CRIP2: variants seen among roughly 807,000 people sequenced by gnomAD.
The protein encoded by CRIP2 is cysteine rich protein 2.
In CRIP2, 31 loss-of-function variants were observed where a neutral mutation model predicts 31.3. The ratio of observed to expected loss-of-function variants is 0.99; its 90% CI spans 0.74 to 1.34. CRIP2 has a LOEUF of 1.34. Ranked by LOEUF, CRIP2 falls within the 40% of genes most tolerant of loss-of-function variation. The pLI is 0.00. For missense variants in CRIP2, 389 were observed against 301.6 expected (o/e 1.29, Z -2.15); for synonymous variants, 177 against 127.2 (o/e 1.39, Z -2.63).
At position 105,478,471 on chromosome 14, in the gene CRIP2, C is replaced by A. The variant is rs781826144; in HGVS notation, c.160C>A (p.His54Asn). The A allele has an allele frequency of 3.7e-6, 6 of 1,607,824 alleles. No homozygotes were observed. The African/African-American group carries it at 8.0e-5, about 21-fold the overall frequency. The change falls in exon 3 of 8, where the codon CAC becomes AAC. Residue 54 changes from histidine to asparagine, a missense_variant. By Grantham distance (68) the His-to-Asn change is moderately conservative (BLOSUM62 1). Coordinates refer to ENST00000329146, the MANE Select transcript of CRIP2 (RefSeq NM_001312.4). This position sits in a 1 kb window ranked among gnomAD's most constrained non-coding sequence, Gnocchi z 4.9. ...GCAGCATGACGGGAAGCCGTTCTGC[C>A]ACAAGCCGTGCTACGCCACCCTGTT... is the stretch of plus-strand genomic sequence containing the variant. Reference protein sequence around the residue: ...HAEHDGKPFCHKPCYATLFGP... With the variant: ...HAEHDGKPFCNKPCYATLFGP...
upstream of CRIP2, chr14:105,473,051 AGCCCCACAGG>A: frequency 3.3e-6 from 2 of 614,600 alleles, no homozygotes; most frequent in Non-Finnish European, 5.7e-6. Context: ...ACAGGTAGCA[AGCCCCACAGG>A]TAGCAAAGTC....
At chr14:105,474,692 C>G, upstream of CRIP2, 1 of 847,714 alleles carries the variant, frequency 1.2e-6, no homozygotes, top group Non-Finnish European at 1.4e-6. The surrounding 1 kb of genome is among the most constrained non-coding windows in gnomAD (Gnocchi z 5.1). Flanking sequence ...GTGCGCCCCG[C>G]CCCCGCGGCG....
upstream of CRIP2, chr14:105,473,219 G>T (rs587612655): frequency 3.1e-5 from 47 of 1,533,254 alleles, no homozygotes; most frequent in South Asian, 5.6e-4. Context: ...TGCCAGGGAG[G>T]AAGGGCTGCC....
chr14:105,478,146 T>C lies in CRIP2; in HGVS notation c.44-120T>C, dbSNP rs1311377798. ...GCCCGCCAGGTGGAAGGAAGGCGCC[T>C]GGGAGACCTCCTGAAAGTGGGGACC... On this transcript the variant is annotated intron_variant, in intron 1 of 7. Transcript: ENST00000329146. The surrounding 1 kb of genome is among the most constrained non-coding windows in gnomAD (Gnocchi z 4.9). 18 of 748,280 alleles carry C rather than the reference T, an allele frequency of 2.4e-5. No homozygotes were observed. Among genetic ancestry groups the C allele is most frequent in the Non-Finnish European group, 3.1e-5 (15 of 490,258 alleles). 46.4% of individuals were successfully genotyped at this position (748,280 alleles called of 1,614,324 possible). A position where few individuals can be genotyped will look rare whatever the true frequency, so the allele number is the denominator to read the frequency against.
chr14:105,476,872 G>A, intron 1 of CRIP2: 1 of 673,820 alleles, frequency 1.5e-6, no homozygotes, highest in South Asian at 6.6e-5. Context: ...GGGCCACGGA[G>A]AGCCAGTATT....
In CRIP2 at chr14:105,478,007, G is replaced by A. The variant is rs1204907553; in HGVS notation, c.44-259G>A. On this transcript the variant is annotated intron_variant, in intron 1 of 7. Transcript: ENST00000329146. This position sits in a 1 kb window ranked among gnomAD's most constrained non-coding sequence, Gnocchi z 4.9. ...GAGGGGACTAACAGGGCAGCCCCGG[G>A]CCCCTTCTCAAAGGCGGCTCTAGCG... Among the ~76,000 whole-genome samples the A allele has an allele frequency of 6.6e-6, 1 of 151,604 alleles. No individual in the cohort carries two copies. The highest frequency in any genetic ancestry group is 1.5e-5 in the Non-Finnish European group (1 of 67,854).
At chr14:105,473,684 G>A (rs1555435206), upstream of CRIP2, among the ~76,000 whole-genome samples, 1 of 152,224 alleles carries the variant, frequency 6.6e-6, no homozygotes, top group Admixed American at 6.5e-5. Context: ...CAGAGCACCA[G>A]GAAGCCCGTG....
chr14:105,478,157 C>T lies in CRIP2; in HGVS notation c.44-109C>T, dbSNP rs1465902749. The stretch of plus-strand genomic sequence containing the variant: ...GGAAGGAAGGCGCCTGGGAGACCTC[C>T]TGAAAGTGGGGACCCCCGGAGCGCG... On this transcript the variant is annotated intron_variant, in intron 1 of 7. Coordinates refer to ENST00000329146, the MANE Select transcript of CRIP2 (RefSeq NM_001312.4). This position sits in a 1 kb window ranked among gnomAD's most constrained non-coding sequence, Gnocchi z 4.9. 1.2e-6 allele frequency: 1 copy of T among 867,614 alleles called. No homozygotes were observed. Among genetic ancestry groups the T allele is most frequent in the Admixed American group, 3.2e-5 (1 of 30,790 alleles). 53.7% of individuals were successfully genotyped at this position (867,614 alleles called of 1,614,324 possible). A position where few individuals can be genotyped will look rare whatever the true frequency, so the allele number is the denominator to read the frequency against.
In CRIP2 at chr14:105,478,414, C is replaced by G; in HGVS notation, c.139-36C>G. The G allele has an allele frequency of 1.3e-6, 2 of 1,591,128 alleles. No homozygotes were observed. The highest frequency in any genetic ancestry group is 1.7e-6 in the Non-Finnish European group (2 of 1,172,876). ...GGCGGGGGTCGCGACTCCCGCCACC[C>G]TCAGGCAGGGTCCTGACCCGCGCCC... On this transcript the variant is annotated intron_variant, in intron 2 of 7. Coordinates refer to ENST00000329146, the MANE Select transcript of CRIP2 (RefSeq NM_001312.4). This position sits in a 1 kb window ranked among gnomAD's most constrained non-coding sequence, Gnocchi z 4.9.
chr14:105,479,084 C>A (rs587733625), intron 5 of CRIP2, 37 bp downstream of exon 5: 1 of 1,591,594 alleles, frequency 6.3e-7, no homozygotes, highest in East Asian at 2.3e-5. Flanking sequence ...CCCGCCCCCG[C>A]CCCCGCCCCG....
rs1036175877 is a variant in CRIP2, at chr14:105,478,191, G to T, written c.44-75G>T. On this transcript the variant is annotated intron_variant, in intron 1 of 7. Coordinates refer to ENST00000329146, the MANE Select transcript of CRIP2 (RefSeq NM_001312.4). This position sits in a 1 kb window ranked among gnomAD's most constrained non-coding sequence, Gnocchi z 4.9. ...GGGACCCCCGGAGCGCGTGGGGGTG[G>T]TGGCTGCCAGGTGGGGGCGGAGGGG... The T allele has an allele frequency of 4.8e-5, 59 of 1,227,972 alleles. 1 individual carries two copies. The highest frequency in any genetic ancestry group is 2.8e-4 in the Middle Eastern group (1 of 3,510). The allele number at this position is 1,227,972 out of a possible 1,614,324, so 76.1% of individuals were successfully genotyped here.
Position 105,478,319 on chromosome 14 carries a change from G to C in CRIP2, c.97G>C (p.Glu33Gln), listed in dbSNP as rs1555436347. 6.4e-7 allele frequency: 1 copy of C among 1,571,158 alleles called. No individual in the cohort carries two copies. ...KDWHKFCLKC[E>Q]RCSKTLTPGG... ...CTGGCACAAGTTCTGCCTCAAGTGC[G>C]AGCGCTGCAGCAAGACGCTGACGCC... is the stretch of plus-strand genomic sequence containing the variant. The change falls in exon 2 of 8, where the codon GAG (glutamate) becomes CAG (glutamine). Residue 33 changes from glutamate (E) to glutamine (Q), a missense_variant. Coordinates refer to ENST00000329146, the MANE Select transcript of CRIP2 (RefSeq NM_001312.4). The surrounding 1 kb of genome is among the most constrained non-coding windows in gnomAD (Gnocchi z 4.9).
At chr14:105,476,653 C>G in intron 1 of CRIP2, 1 of 985,484 alleles carries the variant, frequency 1.0e-6, no homozygotes, top group Non-Finnish European at 1.2e-6. Context: ...CAGCCCTGGG[C>G]TGCAGCTGCC....
chr14:105,476,252 T>A (rs1263267151), intron 1 of CRIP2: 1 of 985,340 alleles, frequency 1.0e-6, no homozygotes, highest in East Asian at 1.1e-4. Flanking sequence ...AACAGTCCTG[T>A]GGACAGCCCG....
intron 1 of CRIP2, chr14:105,476,300 G>A (rs1422919227): frequency 3.0e-6 from 3 of 985,404 alleles, no homozygotes; most frequent in Admixed American, 6.1e-5. Context: ...GCCTCTCAGC[G>A]GAAAACAAAG....
In CRIP2 at chr14:105,478,262, T is replaced by C. The variant is rs1555436330; in HGVS notation, c.44-4T>C. 6.5e-7 allele frequency: 1 copy of C among 1,542,400 alleles called. No homozygotes were observed. The highest frequency in any genetic ancestry group is 8.7e-7 in the Non-Finnish European group (1 of 1,147,046). On this transcript the variant is annotated splice_region_variant and splice_polypyrimidine_tract_variant and intron_variant, in intron 1 of 7. Coordinates refer to ENST00000329146, the MANE Select transcript of CRIP2 (RefSeq NM_001312.4). The surrounding 1 kb of genome is among the most constrained non-coding windows in gnomAD (Gnocchi z 4.9). ...CTGACCCCCCTGCCGCCCCTCCCGC[T>C]CAGCCGAGAAGGTGAGCTCCCTGGG... is the stretch of plus-strand genomic sequence containing the variant.
chr14:105,478,004 C>T lies in CRIP2; in HGVS notation c.44-262C>T, dbSNP rs2083984992. ...ACTGAGGGGACTAACAGGGCAGCCC[C>T]GGGCCCCTTCTCAAAGGCGGCTCTA... On this transcript the variant is annotated intron_variant, in intron 1 of 7. Coordinates refer to ENST00000329146, the MANE Select transcript of CRIP2 (RefSeq NM_001312.4). The surrounding 1 kb of genome is among the most constrained non-coding windows in gnomAD (Gnocchi z 4.9). Among the ~76,000 whole-genome samples, 1 of 151,552 alleles carries T rather than the reference C, an allele frequency of 6.6e-6. No homozygotes were observed. Among genetic ancestry groups the T allele is most frequent in the African/African-American group, 2.4e-5 (1 of 41,186 alleles).
At chr14:105,479,535 C>T (rs781851248) in intron 7 of CRIP2, 42 bp downstream of exon 7, 1 of 1,612,768 alleles carries the variant, frequency 6.2e-7, no homozygotes, top group East Asian at 2.2e-5. Context: ...TCCCTGCCCT[C>T]CCCTTCCCTC....
upstream of CRIP2, chr14:105,473,582 A>G: frequency 2.7e-6 from 4 of 1,473,796 alleles, no homozygotes; most frequent in African/African-American, 2.8e-5. Flanking sequence ...AGCTGCCCCC[A>G]TAGGGCCTGA....
Sources: gnomAD v4.1 joint callset for allele counts (sites outside exome capture counted in the v4.1 genomes callset) on GRCh38, gnomAD v4.1.1 for gene constraint, Gnocchi (gnomAD v3.1) non-coding constraint, MANE v1.5 for transcripts, NCBI Gene and HGNC (gene_info 2026-07-23, HGNC 2026-07-21) for gene names.